SMG1: variants seen among roughly 807,000 people sequenced by gnomAD.
SMG1 encodes SMG1 nonsense mediated mRNA decay associated PI3K related kinase, also known as serine/threonine-protein kinase SMG1.
SMG1 carries 22 observed loss-of-function variants against 419.9 expected under a neutral mutation model. That is an observed-to-expected ratio of 0.05 (90% CI 0.04 to 0.07). SMG1 has a LOEUF of 0.07. SMG1 is among the 10% of genes least tolerant of loss of function. SMG1 has a pLI of 1.00. For synonymous variants in SMG1, 1,538 were observed against 1,553.5 expected (o/e 0.99, Z 0.23); for missense variants, 3,185 against 4,342.0 (o/e 0.73, Z 7.49).
At chr16:18,872,127 A>G in intron 15 of SMG1, 57 bp downstream of exon 15, 1 of 1,091,158 alleles carries the variant, frequency 9.2e-7, no homozygotes, top group Admixed American at 3.2e-5. Flanking sequence ...TTATTCTCAA[A>G]TTATAAAGGC....
chr16:18,817,105 A>C (rs2032069547), intron 57 of SMG1, among the ~76,000 whole-genome samples, 186 bp downstream of exon 57: 2 of 50,792 alleles, frequency 3.9e-5, no homozygotes, highest in African/African-American at 1.5e-4. Context: ...TAAACATATA[A>C]TATGTTTCGG....
At chr16:18,842,077 G>C (rs1450664376) in intron 40 of SMG1, 131 bp downstream of exon 40, 1 of 1,007,258 alleles carries the variant, frequency 9.9e-7, no homozygotes, top group African/African-American at 1.6e-5. Flanking sequence ...ATAAGATATA[G>C]GGCACTGCAG....
At chr16:18,925,872 A>G (rs1324686654) in intron 1 of SMG1, 78 bp downstream of exon 1, 2 of 1,136,974 alleles carry the variant, frequency 1.8e-6, no homozygotes. Context: ...CGCGCCTCCC[A>G]GCCCCGCGGC....
At chr16:18,851,972 C>T (rs1596522683) in intron 33 of SMG1, 95 bp downstream of exon 33, 1 of 1,287,532 alleles carries the variant, frequency 7.8e-7, no homozygotes, top group Non-Finnish European at 1.1e-6. Context: ...AATTGGTAAG[C>T]CCCATTCAGT....
intron 23 of SMG1, among the ~76,000 whole-genome samples, chr16:18,865,571 T>G (rs1462706660): frequency 3.3e-5 from 5 of 151,908 alleles, no homozygotes; most frequent in Non-Finnish European, 7.4e-5. Flanking sequence ...GAAACAACCT[T>G]AATGCCCAAC....
intron 13 of SMG1, chr16:18,875,099 A>G (rs1172430592): frequency 6.6e-6 from 1 of 152,414 alleles, no homozygotes; most frequent in Non-Finnish European, 1.5e-5. Context: ...GACACCTTCT[A>G]TTCATAGCCT....
Position 18,844,114 on chromosome 16 carries a change from C to T in SMG1, c.6219+1315G>A, listed in dbSNP as rs548688408. Among the ~76,000 whole-genome samples, 18 of 151,844 alleles carry T rather than the reference C, an allele frequency of 1.2e-4. No individual in the cohort carries two copies. The East Asian group carries it at 3.5e-3, about 30-fold the overall frequency. On this transcript the variant is annotated intron_variant, in intron 39 of 62. Coordinates refer to ENST00000446231, the MANE Select transcript of SMG1 (RefSeq NM_015092.5). Reference sequence around the variant, plus strand: ...ATTTACTGAAAGGGAAACAAAGAAACAAGAAACTGGTCTTAGAACACAAGG... The same window carrying T: ...ATTTACTGAAAGGGAAACAAAGAAATAAGAAACTGGTCTTAGAACACAAGG...
chr16:18,890,250 A>G (rs2036817798), intron 5 of SMG1, among the ~76,000 whole-genome samples: 1 of 152,222 alleles, frequency 6.6e-6, no homozygotes, highest in South Asian at 2.1e-4. Flanking sequence ...TAGTTTACAA[A>G]AACTAATTTT....
chr16:18,925,256 G>T (rs2038346623), intron 1 of SMG1: 1 of 152,264 alleles, frequency 6.6e-6, no homozygotes, highest in South Asian at 2.1e-4. Flanking sequence ...CATAAATGAG[G>T]AAATTCTCTA....
chr16:18,835,881 A>T (rs935917796), intron 48 of SMG1, 52 bp downstream of exon 48: 33 of 1,509,706 alleles, frequency 2.2e-5, no homozygotes, highest in Admixed American at 1.0e-4. Flanking sequence ...CCTGGGTGAC[A>T]GAACAAGACT....
intron 3 of SMG1, among the ~76,000 whole-genome samples, chr16:18,893,584 C>T (rs947399232): frequency 1.3e-5 from 2 of 152,060 alleles, no homozygotes; most frequent in African/African-American, 4.8e-5. Flanking sequence ...CACACTAGTG[C>T]ATTCCAGCCT....
chr16:18,885,213 C>T (rs1169564080), intron 7 of SMG1, 51 bp from the exon 8 acceptor site: 1 of 670,184 alleles, frequency 1.5e-6, no homozygotes, highest in African/African-American at 1.8e-5. Flanking sequence ...ATATTACTGC[C>T]ATTCACCTGT....
intron 1 of SMG1, among the ~76,000 whole-genome samples, chr16:18,904,600 T>C (rs2037484652): frequency 6.6e-6 from 1 of 151,420 alleles, no homozygotes; most frequent in Non-Finnish European, 1.5e-5. Context: ...ATCATGCCAC[T>C]ACACTCCAGT....
chr16:18,886,195 G>C (rs1173025417), intron 6 of SMG1, among the ~76,000 whole-genome samples: 2 of 151,650 alleles, frequency 1.3e-5, no homozygotes, highest in Admixed American at 1.3e-4. Context: ...TTTCTATAAA[G>C]TACAACAATT....
At chr16:18,868,816 C>G in intron 20 of SMG1, 97 bp from the exon 21 acceptor site, 1 of 616,486 alleles carries the variant, frequency 1.6e-6, no homozygotes, top group East Asian at 2.7e-5. Flanking sequence ...ATCAAGTATC[C>G]TCTGTCTACC....
At chr16:18,859,327 T>C (rs1027243606) in intron 27 of SMG1, 146 bp from the exon 28 acceptor site, 9 of 653,284 alleles carry the variant, frequency 1.4e-5, no homozygotes, top group South Asian at 2.0e-5. Context: ...AAAATGATAT[T>C]AGCAAGTCAA....
At chr16:18,869,384 A>G in intron 19 of SMG1, 81 bp from the exon 20 acceptor site, 1 of 1,216,786 alleles carries the variant, frequency 8.2e-7, no homozygotes, top group East Asian at 2.5e-5. Flanking sequence ...GGGAATAGGA[A>G]TAAGGAACTG....
intron 6 of SMG1, among the ~76,000 whole-genome samples, chr16:18,887,808 T>G (rs2036699106): frequency 1.3e-5 from 1 of 76,986 alleles, no homozygotes; most frequent in African/African-American, 4.7e-5. Flanking sequence ...AACCCTAATA[T>G]CAGATATTCC....
Position 18,835,100 on chromosome 16 carries a change from T to A in SMG1, c.8122A>T (p.Met2708Leu). The A allele has an allele frequency of 4.3e-6, 7 of 1,613,978 alleles. No homozygotes were observed. Among genetic ancestry groups the A allele is most frequent in the Non-Finnish European group, 5.9e-6 (7 of 1,179,858 alleles). The part of the protein sequence containing the change: ...TVCQFITATE[M>L]TLQRYAADIN... ...TCTGCTGCGTATCGCTGCAGGGTCA[T>A]TTCAGTGGCAGTGATGAACTGACAC... Residue 2708 changes from methionine to leucine, a missense_variant, in exon 49 of 63, where the codon ATG (methionine) becomes TTG (leucine). Around this residue, in one of 27 missense-constraint regions of SMG1, gnomAD observed 412 missense variants for 546.6 expected, o/e 0.75. Transcript: ENST00000446231.
Sources: allele counts gnomAD v4.1 joint callset (sites outside exome capture counted in the v4.1 genomes callset), GRCh38; gene constraint gnomAD v4.1.1; regional missense constraint gnomAD v4.1.1; transcripts MANE v1.5; gene names NCBI Gene and HGNC (gene_info 2026-07-23, HGNC 2026-07-21).